Variants in NKAIN2 observed in about 807,000 individuals in gnomAD.
The protein encoded by NKAIN2 is sodium/potassium-transporting ATPase subunit beta-1-interacting protein 2.
NKAIN2 carries 14 observed loss-of-function variants against 32.6 expected under a neutral mutation model. The observed-to-expected ratio is 0.43, with a 90% CI of 0.28 to 0.67. The LOEUF (loss-of-function observed/expected upper bound fraction) is 0.67, where lower values mean the gene tolerates loss of function less well. NKAIN2 is among the 30% of genes least tolerant of loss of function. NKAIN2 has a pLI of 0.17. For synonymous variants in NKAIN2, 80 were observed against 87.2 expected (o/e 0.92, Z 0.46); for missense variants, 198 against 258.3 (o/e 0.77, Z 1.60).
chr6:123,919,729 A>G (rs1380318700), intron 1 of NKAIN2, among the ~76,000 whole-genome samples: 1 of 152,116 alleles, frequency 6.6e-6, no homozygotes, highest in Non-Finnish European at 1.5e-5. Flanking sequence ...GAAATTCAAG[A>G]TTTAATAATC....
rs530340804 is a variant in NKAIN2 at position 124,571,487 on chromosome 6, T to C, written c.274-86699T>C. Among the ~76,000 whole-genome samples the C allele has an allele frequency of 2.6e-5, 4 of 152,274 alleles. No individual in the cohort carries two copies. The East Asian group carries it at 7.7e-4, about 29-fold the overall frequency. On this transcript the variant is annotated intron_variant, in intron 3 of 6. Coordinates refer to ENST00000368417, the MANE Select transcript of NKAIN2 (RefSeq NM_001040214.3). ...TGTCTGTCCCCTGTTTTCATGATAG[T>C]GAGTAAGTCTCATGAGATCTGATGG...
intron 3 of NKAIN2, among the ~76,000 whole-genome samples, chr6:124,455,426 G>A (rs944025168): frequency 1.3e-5 from 2 of 151,930 alleles, no homozygotes; most frequent in South Asian, 4.1e-4. Flanking sequence ...TCTAGTTTTC[G>A]AAATGATATT....
chr6:124,240,760 A>G (rs769415143), intron 1 of NKAIN2, among the ~76,000 whole-genome samples: 21 of 152,162 alleles, frequency 1.4e-4, no homozygotes, highest in Non-Finnish European at 2.5e-4. Flanking sequence ...ATAATGAGCT[A>G]TTTATGACAA....
At chr6:124,145,785 G>A (rs1225414512) in intron 1 of NKAIN2, among the ~76,000 whole-genome samples, 2 of 152,060 alleles carry the variant, frequency 1.3e-5, no homozygotes, top group African/African-American at 2.4e-5. Context: ...GATTACCGGC[G>A]TGGACCACCA....
At chr6:124,560,335 T>TC (rs1780642459) in intron 3 of NKAIN2, among the ~76,000 whole-genome samples, 1 of 152,172 alleles carries the variant, frequency 6.6e-6, no homozygotes, top group South Asian at 2.1e-4. Flanking sequence ...ACTGTTTGCT[T>TC]CCCCTTCTGC....
intron 4 of NKAIN2, among the ~76,000 whole-genome samples, chr6:124,680,046 TAATTCTCTTATGTGCTATA>T (rs139811542): frequency 0.049 from 7,487 of 152,260 alleles, 206 homozygotes; most frequent in African/African-American, 0.079. Flanking sequence ...AATTTTCTTA[TAATTCTCTTATGTGCTATA>T]TTTTCTATTA....
chr6:124,012,334 ATTT>A (rs36026416), intron 1 of NKAIN2, among the ~76,000 whole-genome samples: 4 of 123,168 alleles, frequency 3.2e-5, no homozygotes, highest in South Asian at 2.7e-4. Flanking sequence ...ACTCTACATG[ATTT>A]TTTTTTTTTT....
intron 1 of NKAIN2, among the ~76,000 whole-genome samples, chr6:124,087,770 A>T (rs1051173739): frequency 5.3e-5 from 8 of 152,036 alleles, no homozygotes; most frequent in Admixed American, 1.3e-4. Context: ...TTTGCCTTGA[A>T]TGTCTTAAAT....
At chr6:124,813,995 C>T (rs57227403) in intron 5 of NKAIN2, among the ~76,000 whole-genome samples, 1,671 of 152,152 alleles carry the variant, frequency 0.011, 43 homozygotes, top group African/African-American at 0.038. Context: ...ATAAAAGAAA[C>T]TGAAAACAGA....
In NKAIN2 at chr6:124,751,812, C is replaced by CAATAAATAAATA. The variant is rs10665653; in HGVS notation, c.475-39498_475-39487dup. Among the ~76,000 whole-genome samples, 1,046 of 134,094 alleles carry CAATAAATAAATA rather than the reference C, an allele frequency of 7.8e-3. 7 individuals are homozygous for CAATAAATAAATA. The highest frequency in any genetic ancestry group is 0.015 in the African/African-American group (521 of 35,820). The allele number at this position is 134,094 out of a possible 152,430, so 88.0% of individuals were successfully genotyped here. A position where few individuals can be genotyped will look rare whatever the true frequency, so the allele number is the denominator to read the frequency against. Reference sequence around the variant, plus strand: ...TGGGTAACATAGTGAGACCCCATCTCAATAAATAAATAAATAAATAAATAA... The same window carrying CAATAAATAAATA: ...TGGGTAACATAGTGAGACCCCATCTCAATAAATAAATAAATAAATAAATAAATAAATAAATAA... On this transcript the variant is annotated intron_variant, in intron 4 of 6. Coordinates refer to ENST00000368417, the MANE Select transcript of NKAIN2 (RefSeq NM_001040214.3).
intron 3 of NKAIN2, among the ~76,000 whole-genome samples, chr6:124,645,895 C>A (rs1784150341): frequency 6.6e-6 from 1 of 152,188 alleles, no homozygotes; most frequent in Admixed American, 6.5e-5. Flanking sequence ...ACTGAGATAT[C>A]TTTTCTTACC....
chr6:124,339,113 C>T (rs1365771541), intron 2 of NKAIN2, among the ~76,000 whole-genome samples: 1 of 152,078 alleles, frequency 6.6e-6, no homozygotes, highest in Non-Finnish European at 1.5e-5. Flanking sequence ...GAGGCCAAGG[C>T]GGGCGGATCA....
chr6:124,512,310 C>A (rs1445414087), intron 3 of NKAIN2, among the ~76,000 whole-genome samples: 1 of 152,096 alleles, frequency 6.6e-6, no homozygotes, highest in Non-Finnish European at 1.5e-5. Context: ...CTTCTTCCCA[C>A]CAATTTCCCA....
At chr6:124,804,923 C>G (rs994825297) in intron 5 of NKAIN2, among the ~76,000 whole-genome samples, 1 of 152,132 alleles carries the variant, frequency 6.6e-6, no homozygotes, top group Non-Finnish European at 1.5e-5. Flanking sequence ...AACTGCAAGG[C>G]GGCAGCGAGG....
intron 1 of NKAIN2, among the ~76,000 whole-genome samples, chr6:123,905,719 AAG>A (rs1774833646): frequency 6.6e-6 from 1 of 152,140 alleles, no homozygotes; most frequent in Non-Finnish European, 1.5e-5. Flanking sequence ...GATAAAAAAA[AAG>A]AGAATATCTG....
chr6:124,402,955 A>C (rs1773691350), intron 3 of NKAIN2, among the ~76,000 whole-genome samples: 1 of 152,188 alleles, frequency 6.6e-6, no homozygotes, highest in Non-Finnish European at 1.5e-5. Context: ...AACCTAAAAT[A>C]AAAGTTAAAA....
chr6:124,202,893 G>A (rs969117854), intron 1 of NKAIN2, among the ~76,000 whole-genome samples: 3 of 151,840 alleles, frequency 2.0e-5, no homozygotes, highest in Admixed American at 6.6e-5. Context: ...ATAGATGGCA[G>A]TGATTGTGGC....
intron 2 of NKAIN2, among the ~76,000 whole-genome samples, chr6:124,322,732 G>C (rs949360477): frequency 5.3e-5 from 8 of 152,130 alleles, no homozygotes; most frequent in African/African-American, 1.9e-4. Flanking sequence ...ATTATGTAGA[G>C]ATTTTTGTGT....
chr6:124,769,353 G>C (rs1778648584), intron 4 of NKAIN2, among the ~76,000 whole-genome samples: 2 of 152,098 alleles, frequency 1.3e-5, no homozygotes, highest in African/African-American at 4.8e-5. Context: ...TGAATGTTTA[G>C]TACTAAAAAA....
Sources: allele counts gnomAD v4.1 joint callset (sites outside exome capture counted in the v4.1 genomes callset), GRCh38; gene constraint gnomAD v4.1.1; transcripts MANE v1.5; gene names NCBI Gene and HGNC (gene_info 2026-07-23, HGNC 2026-07-21).